Variants in HK1 observed in about 807,000 individuals in gnomAD.
HK1 encodes hexokinase-1.
In HK1, 28 loss-of-function variants were observed where a neutral mutation model predicts 91.6. The observed-to-expected ratio is 0.31, with a 90% confidence interval of 0.23 to 0.42. The LOEUF is 0.42. Among genes scored for constraint, HK1 ranks in the 10% least tolerant of loss-of-function variants. The pLI is 1.00. For synonymous variants in HK1, 430 were observed against 468.1 expected, an observed-to-expected ratio of 0.92 and a Z score of 1.05; for missense variants, 770 against 1,219.8, an observed-to-expected ratio of 0.63 and a Z score of 5.49.
intron 2 of HK1, among the ~76,000 whole-genome samples, chr10:69,346,889 C>T (rs1471597895): frequency 2.0e-5 from 3 of 152,092 alleles, no homozygotes; most frequent in Non-Finnish European, 4.4e-5. Context: ...GTCCCCTTTG[C>T]CCTCTGAATG....
chr10:69,321,661 T>C (rs1043795910), intron 1 of HK1, among the ~76,000 whole-genome samples: 13 of 152,236 alleles, frequency 8.5e-5, no homozygotes, highest in African/African-American at 3.1e-4. Context: ...TTTTTGGGAT[T>C]GCTTAGAATC....
intron 1 of HK1, among the ~76,000 whole-genome samples, chr10:69,327,000 CTTTTT>C (rs1042738695): frequency 9.0e-6 from 1 of 110,926 alleles, no homozygotes; most frequent in Admixed American, 9.5e-5. Flanking sequence ...TGGTTTTAAA[CTTTTT>C]TTTTTTTTTT....
In HK1 at chr10:69,348,616, G is replaced by A. The variant is rs546366813; in HGVS notation, c.226+4627G>A. ...ACCTGAGGTCAGGAGTTGGAGACCG[G>A]CCTAGCCAATATGGCGAAACCCCGT... is the stretch of plus-strand genomic sequence containing the variant. On this transcript the variant is annotated intron_variant, in intron 2 of 17. Coordinates refer to ENST00000359426, the MANE Select transcript of HK1 (RefSeq NM_000188.3). Among the ~76,000 whole-genome samples the A allele has an allele frequency of 2.0e-5, 3 of 152,276 alleles. 1 individual carries two copies. The highest frequency in any genetic ancestry group is 4.4e-5 in the Non-Finnish European group (3 of 68,012).
intron 4 of HK1, chr10:69,300,499 GCTGAGA>G: frequency 1.3e-6 from 1 of 797,174 alleles, no homozygotes; most frequent in Middle Eastern, 3.8e-4. Context: ...CATGATGCCA[GCTGAGA>G]CTGTCAGTAC....
chr10:69,384,428 CACA>C lies in HK1; in HGVS notation c.1671_1673del (p.Asn557del). The C allele has an allele frequency of 6.2e-7, 1 of 1,614,162 alleles. No individual in the cohort carries two copies. Among genetic ancestry groups the C allele is most frequent in the Non-Finnish European group, 8.5e-7 (1 of 1,180,024 alleles). ...TGGGAAAAAGAGAACGGTGGAAATGCACAACAAGATCTACGCCATTCCTATTGA... is the reference window on the plus strand; with the variant it reads ...TGGGAAAAAGAGAACGGTGGAAATGCACAAGATCTACGCCATTCCTATTGA... On this transcript the variant is annotated inframe_deletion, in exon 11 of 18. Transcript: ENST00000359426.
At chr10:69,398,458 A>G in intron 16 of HK1, 137 bp from the exon 17 acceptor site, 2 of 725,022 alleles carry the variant, frequency 2.8e-6, no homozygotes, top group Non-Finnish European at 2.5e-6. Flanking sequence ...TCCACAGTTT[A>G]ACATGTAACA....
intron 1 of HK1, among the ~76,000 whole-genome samples, chr10:69,273,643 C>G (rs140844062): frequency 4.6e-5 from 7 of 152,228 alleles, no homozygotes; most frequent in African/African-American, 1.7e-4. Context: ...TGAGCCACTG[C>G]GCCCAGCCAG....
chr10:69,343,096 A>G lies in HK1; in HGVS notation c.64-731A>G, dbSNP rs185290526. On this transcript the variant is annotated intron_variant, in intron 1 of 17. Coordinates refer to ENST00000359426, the MANE Select transcript of HK1 (RefSeq NM_000188.3). ...GCCCGGCACATGGGTATGGGAGCCCAGGGGCTGTCTCCATTCATTGAGGCT... is the reference window on the plus strand; with the variant it reads ...GCCCGGCACATGGGTATGGGAGCCCGGGGGCTGTCTCCATTCATTGAGGCT... Among the ~76,000 whole-genome samples, 921 of 152,252 alleles carry G rather than the reference A, an allele frequency of 6.0e-3. 2 individuals carry two copies. The highest frequency in any genetic ancestry group is 0.01 in the Admixed American group (158 of 15,306).
intron 9 of HK1, among the ~76,000 whole-genome samples, chr10:69,382,051 T>G (rs965075797): frequency 6.6e-6 from 1 of 152,264 alleles, no homozygotes; most frequent in Admixed American, 6.5e-5. Context: ...CTAACTTTTC[T>G]ACAGTGGATG....
intron 8 of HK1, among the ~76,000 whole-genome samples, chr10:69,378,249 A>T (rs1839213120): frequency 6.6e-6 from 1 of 152,020 alleles, no homozygotes; most frequent in Non-Finnish European, 1.5e-5. Flanking sequence ...CTCTTTGGTT[A>T]CCAAGAAACA....
chr10:69,275,961 G>GT (rs1307323982), intron 1 of HK1, among the ~76,000 whole-genome samples: 1 of 150,578 alleles, frequency 6.6e-6, no homozygotes, highest in Non-Finnish European at 1.5e-5. Context: ...GTGGTGCCAG[G>GT]TGCCTGCAAT....
chr10:69,363,410 A>T (rs1336247750), intron 3 of HK1, among the ~76,000 whole-genome samples: 2 of 152,168 alleles, frequency 1.3e-5, no homozygotes, highest in African/African-American at 2.4e-5. Flanking sequence ...ACAGGGTCTC[A>T]CTCTGCTGCC....
chr10:69,285,466 G>A (rs1038031235), intron 2 of HK1, among the ~76,000 whole-genome samples: 1 of 152,008 alleles, frequency 6.6e-6, no homozygotes, highest in Admixed American at 6.6e-5. Context: ...AAAACAGAAA[G>A]GAATCCAGCT....
rs577337742 is a variant in HK1 at position 69,295,545 on chromosome 10, G to C, written c.-114-88G>C. ...GTAATTACTTTTGTTTTCTGAGCGT[G>C]ATTGATTAGTTATAAGCATCAATAT... On this transcript the variant is annotated intron_variant, in intron 3 of 21. Coordinates refer to the HK1 transcript ENST00000360289. 68 of 888,456 alleles carry C rather than the reference G, an allele frequency of 7.7e-5. No individual in the cohort carries two copies. The African/African-American group carries it at 8.7e-4, about 11-fold the overall frequency. The allele number at this position is 888,456 out of a possible 1,614,324, so 55.0% of individuals were successfully genotyped here.
In HK1 at chr10:69,348,547, A is replaced by C. The variant is rs561108169; in HGVS notation, c.226+4558A>C. On this transcript the variant is annotated intron_variant, in intron 2 of 17. Coordinates refer to ENST00000359426, the MANE Select transcript of HK1 (RefSeq NM_000188.3). ...TCATTGAGGCTGGGCACGGTGGCTCATGCCTGTAATCCCAGCACTTTGGGA... is the reference window on the plus strand; with the variant it reads ...TCATTGAGGCTGGGCACGGTGGCTCCTGCCTGTAATCCCAGCACTTTGGGA... 2.0e-5 allele frequency among the ~76,000 whole-genome samples: 3 copies of C among 152,336 alleles called. No homozygotes were observed. The South Asian group carries it at 6.2e-4, about 32-fold the overall frequency.
At chr10:69,395,152 G>T (rs373318255) in intron 16 of HK1, 47 bp downstream of exon 16, 1 of 1,596,254 alleles carries the variant, frequency 6.3e-7, no homozygotes, top group Non-Finnish European at 8.6e-7. Flanking sequence ...TTCAGAGGTC[G>T]CCTGGCTGGT....
rs1458095836 is a variant in HK1 at position 69,292,135 on chromosome 10, A to G, written c.-115+3365A>G. 1.4e-5 allele frequency: 3 copies of G among 209,626 alleles called. No individual in the cohort carries two copies. In the Admixed American group the frequency reaches 1.7e-4, roughly 12 times the overall value. 13.0% of individuals were successfully genotyped at this position (209,626 alleles called of 1,614,324 possible). ...ACCCAGGTTGGAGTGCAGTGGCACA[A>G]TCATGGCTCACTGAAGCCTTGAACT... On this transcript the variant is annotated intron_variant, in intron 3 of 21. Coordinates refer to the HK1 transcript ENST00000360289.
intron 1 of HK1, among the ~76,000 whole-genome samples, chr10:69,281,890 G>A (rs961621180): frequency 3.9e-5 from 6 of 152,140 alleles, no homozygotes; most frequent in African/African-American, 1.4e-4. Flanking sequence ...GCTCTCTCTG[G>A]TGCCAACCAG....
chr10:69,348,502 A>C (rs1848682419), intron 2 of HK1, among the ~76,000 whole-genome samples: 1 of 152,188 alleles, frequency 6.6e-6, no homozygotes. Flanking sequence ...ATGCCTGTGT[A>C]TCTCATGTAC....
Sources: gnomAD v4.1 joint callset for allele counts (sites outside exome capture counted in the v4.1 genomes callset) on GRCh38, gnomAD v4.1.1 for gene constraint, MANE v1.5 for transcripts, NCBI Gene and HGNC (gene_info 2026-07-23, HGNC 2026-07-21) for gene names.